MYO1H: variants seen among roughly 807,000 people sequenced by gnomAD.
MYO1H encodes unconventional myosin-Ih.
In MYO1H, 118 loss-of-function variants were observed where a neutral mutation model predicts 149.3. That is an observed-to-expected ratio of 0.79 (90% CI 0.68 to 0.92). The LOEUF (loss-of-function observed/expected upper bound fraction) is 0.92, where lower values mean the gene tolerates loss of function less well. Ranked by LOEUF, MYO1H falls within the 40% of genes least tolerant of loss-of-function variation. MYO1H has a pLI of 0.00. For synonymous variants in MYO1H, 447 were observed against 465.2 expected (o/e 0.96, Z 0.50); for missense variants, 1,212 against 1,280.7 (o/e 0.95, Z 0.82).
intron 29 of MYO1H, 73 bp downstream of exon 29, chr12:109,444,356 G>A: frequency 3.8e-6 from 6 of 1,567,468 alleles, no homozygotes; most frequent in Non-Finnish European, 5.3e-6. Flanking sequence ...TGACCACCGT[G>A]AAACTTCTCT....
intron 1 of MYO1H, among the ~76,000 whole-genome samples, chr12:109,354,864 C>T (rs1868553046): frequency 6.6e-6 from 1 of 152,152 alleles, no homozygotes. Context: ...TCAGTGTCTG[C>T]CTAGCCTTTA....
chr12:109,362,235 A>C (rs538230594), intron 1 of MYO1H, among the ~76,000 whole-genome samples: 1 of 152,338 alleles, frequency 6.6e-6, no homozygotes, highest in East Asian at 1.9e-4. Context: ...TTTTATTGAG[A>C]GAAGGCAGGA....
At position 109,426,808 on chromosome 12, in the gene MYO1H, C is replaced by T. The variant is rs545489511; in HGVS notation, c.1832-661C>T. On this transcript the variant is annotated intron_variant, in intron 18 of 31. Coordinates refer to ENST00000310903, the Ensembl canonical transcript of MYO1H. ...GCTCACAGAGGCTAGGCAGGAAAAG[C>T]AAATGAGTGAAGCAGACAGGTTGAA... Among the ~76,000 whole-genome samples, 66 of 152,138 alleles carry T rather than the reference C, an allele frequency of 4.3e-4. No individual in the cohort carries two copies. In the Middle Eastern group the frequency reaches 0.02, roughly 47 times the overall value.
chr12:109,393,409 T>G, exon 3 of MYO1H: 1 of 1,587,808 alleles, frequency 6.3e-7, no homozygotes, highest in Non-Finnish European at 8.6e-7. Context: ...GATGGAACTT[T>G]ATCAAGGGGT....
the MYO1H span, among the ~76,000 whole-genome samples, chr12:109,328,192 CT>C: frequency 1.3e-5 from 2 of 149,460 alleles, no homozygotes; most frequent in African/African-American, 4.9e-5. Flanking sequence ...TGTGATTTAC[CT>C]TAGTTTTTTT....
intron 1 of MYO1H, among the ~76,000 whole-genome samples, chr12:109,351,320 C>A (rs1214651356): frequency 6.6e-6 from 1 of 152,140 alleles, no homozygotes; most frequent in Non-Finnish European, 1.5e-5. Context: ...TGAACACTTT[C>A]CTCCCATCAG....
intron 20 of MYO1H, among the ~76,000 whole-genome samples, chr12:109,433,705 T>C (rs1411317211): frequency 6.6e-6 from 1 of 152,204 alleles, no homozygotes; most frequent in Non-Finnish European, 1.5e-5. Flanking sequence ...CCTTGGCCTC[T>C]CTCCATCTGT....
the MYO1H span, among the ~76,000 whole-genome samples, chr12:109,331,304 T>G: frequency 6.6e-6 from 1 of 152,264 alleles, no homozygotes. Context: ...CAACACATTC[T>G]GTTTTTAATT....
chr12:109,436,641 T>C, intron 22 of MYO1H, 85 bp downstream of exon 22: 2 of 886,734 alleles, frequency 2.3e-6, no homozygotes, highest in Non-Finnish European at 3.6e-6. Flanking sequence ...TCTCTCCCCC[T>C]GCTCATCCTT....
chr12:109,409,246 C>CTTCTTTTT, intron 10 of MYO1H, among the ~76,000 whole-genome samples: 1 of 47,854 alleles, frequency 2.1e-5, no homozygotes, highest in African/African-American at 7.4e-5. Flanking sequence ...TCTTCTTCTT[C>CTTCTTTTT]TTTTTTTTTT....
rs1260466179 is a variant in MYO1H, at chr12:109,445,628, TGGGAG to T, written c.3093+19_3093+23del. The T allele has an allele frequency of 6.2e-7, 1 of 1,605,312 alleles. No individual in the cohort carries two copies. Among genetic ancestry groups the T allele is most frequent in the Non-Finnish European group, 8.5e-7 (1 of 1,177,968 alleles). ...ATTAACAGTGGTGAGTGGCCGTCTCTGGGAGGGAAGTAAGCCGTTTTAGATGAGAA... is the reference window on the plus strand; with the variant it reads ...ATTAACAGTGGTGAGTGGCCGTCTCTGGAAGTAAGCCGTTTTAGATGAGAA... On this transcript the variant is annotated intron_variant, in intron 31 of 31. Transcript: ENST00000310903.
At chr12:109,331,855 G>A in the MYO1H span, among the ~76,000 whole-genome samples, 1 of 152,186 alleles carries the variant, frequency 6.6e-6, no homozygotes, top group African/African-American at 2.4e-5. Flanking sequence ...CAATTCTGCT[G>A]TGTGTATACA....
At chr12:109,323,881 G>C in the MYO1H span, among the ~76,000 whole-genome samples, 2 of 152,064 alleles carry the variant, frequency 1.3e-5, no homozygotes, top group African/African-American at 4.8e-5. Flanking sequence ...AAGGAATTCA[G>C]AAAGTGTATA....
At chr12:109,388,184 T>C (rs1566023331) in intron 1 of MYO1H, among the ~76,000 whole-genome samples, 1 of 149,880 alleles carries the variant, frequency 6.7e-6, no homozygotes, top group Non-Finnish European at 1.5e-5. Flanking sequence ...GAAAAATTAA[T>C]TTTAAAAAAA....
chr12:109,345,093 A>G (rs2048098615), upstream of MYO1H, among the ~76,000 whole-genome samples: 1 of 152,162 alleles, frequency 6.6e-6, no homozygotes, highest in South Asian at 2.1e-4. Flanking sequence ...AGGTAAAAAA[A>G]TAGATAAATT....
At chr12:109,331,862 T>C in the MYO1H span, among the ~76,000 whole-genome samples, 1 of 152,228 alleles carries the variant, frequency 6.6e-6, no homozygotes, top group African/African-American at 2.4e-5. Context: ...GCTGTGTGTA[T>C]ACAGCCTAAC....
chr12:109,403,028 C>T (rs995553764), intron 6 of MYO1H, among the ~76,000 whole-genome samples: 3 of 152,182 alleles, frequency 2.0e-5, no homozygotes, highest in Admixed American at 6.5e-5. Context: ...CATGATCTCT[C>T]ATAACTTTGG....
chr12:109,448,171 T>C (rs1029804543), exon 32 of MYO1H: 11 of 152,210 alleles, frequency 7.2e-5, no homozygotes, highest in African/African-American at 1.7e-4. Context: ...TATTTAGAAA[T>C]TGGGTGATGT....
intron 22 of MYO1H, among the ~76,000 whole-genome samples, chr12:109,438,066 C>T (rs529458511): frequency 8.3e-4 from 109 of 131,008 alleles, no homozygotes; most frequent in African/African-American, 3.3e-3. Flanking sequence ...CCAGCTTGGG[C>T]GACAGAGCAA....
Sources: allele counts gnomAD v4.1 joint callset (sites outside exome capture counted in the v4.1 genomes callset), GRCh38; gene constraint gnomAD v4.1.1; transcripts MANE v1.5; gene names NCBI Gene and HGNC (gene_info 2026-07-23, HGNC 2026-07-21).